Variants in PBX3 observed in about 807,000 individuals in gnomAD.
PBX3 encodes the protein PBX homeobox 3, also known as pre-B-cell leukemia transcription factor 3.
In PBX3, 14 loss-of-function variants were observed where a neutral mutation model predicts 48.5. The ratio of observed to expected loss-of-function variants is 0.29; its 90% confidence interval spans 0.19 to 0.45. The LOEUF (loss-of-function observed/expected upper bound fraction) is 0.45, where lower values mean the gene tolerates loss of function less well. Ranked by LOEUF, PBX3 falls within the 20% of genes least tolerant of loss-of-function variation. PBX3 has a pLI of 1.00. For missense variants in PBX3, 386 were observed against 546.7 expected (o/e 0.71, Z 2.93); for synonymous variants, 210 against 200.3 (o/e 1.05, Z -0.41).
chr9:125,811,221 G>T (rs933937301), intron 2 of PBX3, among the ~76,000 whole-genome samples: 2 of 152,338 alleles, frequency 1.3e-5, no homozygotes, highest in African/African-American at 4.8e-5. Flanking sequence ...GAAAATCAGT[G>T]TCGTAGCTTG....
intron 3 of PBX3, among the ~76,000 whole-genome samples, chr9:125,929,063 A>G (rs973859434): frequency 6.6e-6 from 1 of 152,220 alleles, no homozygotes; most frequent in South Asian, 2.1e-4. Context: ...ATCTTTATCC[A>G]CCTTTCAAAG....
chr9:125,899,285 A>T (rs1588274737), intron 2 of PBX3, among the ~76,000 whole-genome samples: 1 of 122,758 alleles, frequency 8.1e-6, no homozygotes, highest in African/African-American at 3.2e-5. Flanking sequence ...ATATGTATAT[A>T]TATTTATATA....
chr9:125,758,308 G>C (rs1253616187), intron 2 of PBX3, among the ~76,000 whole-genome samples: 1 of 146,870 alleles, frequency 6.8e-6, no homozygotes, highest in Non-Finnish European at 1.5e-5. Context: ...TTTTTTTTTT[G>C]ACTGATTATC....
chr9:125,781,579 G>C lies in PBX3; in HGVS notation c.274+32956G>C, dbSNP rs140700528. On this transcript the variant is annotated intron_variant, in intron 2 of 8. Transcript: ENST00000373489. ...GAGGGGAGAGGCGAGAGGGGAGAGG[G>C]GAGAGGCGAGAGGCGAGAGGGAGAG... is the stretch of plus-strand genomic sequence containing the variant. Among the ~76,000 whole-genome samples, 613 of 148,396 alleles carry C rather than the reference G, an allele frequency of 4.1e-3. 2 individuals carry two copies. Among genetic ancestry groups the C allele is most frequent in the African/African-American group, 0.013 (543 of 40,370 alleles).
At chr9:125,899,233 A>ATATAAATATACATATGTATATATATT (rs1840852704) in intron 2 of PBX3, among the ~76,000 whole-genome samples, 1 of 86,502 alleles carries the variant, frequency 1.2e-5, no homozygotes, top group Non-Finnish European at 2.5e-5. Flanking sequence ...ATATATTTAT[A>ATATAAATATACATATGTATATATATT]TATAAATATA....
At chr9:125,765,708 T>G (rs560994844) in intron 2 of PBX3, among the ~76,000 whole-genome samples, 2 of 152,344 alleles carry the variant, frequency 1.3e-5, no homozygotes, top group African/African-American at 4.8e-5. Flanking sequence ...TTGGGTCTTG[T>G]ACTACCATTC....
chr9:125,898,615 G>A (rs1299311010), intron 2 of PBX3, among the ~76,000 whole-genome samples: 1 of 151,684 alleles, frequency 6.6e-6, no homozygotes, highest in East Asian at 1.9e-4. Flanking sequence ...TTTGATAGAT[G>A]AGGGAAATTA....
chr9:125,783,888 C>T (rs758181227), intron 2 of PBX3, among the ~76,000 whole-genome samples: 7 of 152,032 alleles, frequency 4.6e-5, no homozygotes, highest in Non-Finnish European at 1.0e-4. Flanking sequence ...ATAATCCCAG[C>T]TACTCTGGAC....
chr9:125,888,530 T>G (rs914912614), intron 2 of PBX3, among the ~76,000 whole-genome samples: 1 of 150,538 alleles, frequency 6.6e-6, no homozygotes, highest in Non-Finnish European at 1.5e-5. Context: ...TGATGGCATT[T>G]TTTTGGGAGG....
At chr9:125,945,609 T>C (rs1237972002) in intron 5 of PBX3, among the ~76,000 whole-genome samples, 1 of 152,222 alleles carries the variant, frequency 6.6e-6, no homozygotes, top group African/African-American at 2.4e-5. Context: ...ACTGCTATCT[T>C]ATTCACCCTT....
At chr9:125,893,842 G>A (rs777058637) in intron 2 of PBX3, among the ~76,000 whole-genome samples, 1 of 152,000 alleles carries the variant, frequency 6.6e-6, no homozygotes, top group Non-Finnish European at 1.5e-5. Flanking sequence ...CACTTCCCTA[G>A]CATTATGGCT....
At chr9:125,889,305 C>G (rs1840578688) in intron 2 of PBX3, among the ~76,000 whole-genome samples, 3 of 152,216 alleles carry the variant, frequency 2.0e-5, no homozygotes, top group Admixed American at 1.3e-4. Flanking sequence ...ACGTGGGGAG[C>G]AGGGGCGCTT....
At chr9:125,856,992 A>G (rs1391265790) in intron 2 of PBX3, among the ~76,000 whole-genome samples, 4 of 152,190 alleles carry the variant, frequency 2.6e-5, no homozygotes, top group Non-Finnish European at 5.9e-5. Flanking sequence ...ATTTCTTGAA[A>G]GTTCATTTAG....
chr9:125,809,370 A>G (rs894263034), intron 2 of PBX3, among the ~76,000 whole-genome samples: 5 of 151,384 alleles, frequency 3.3e-5, no homozygotes, highest in Admixed American at 6.6e-5. Context: ...TTTTGGGGAG[A>G]TGTGATAAGA....
At chr9:125,780,770 G>A (rs1292861619) in intron 2 of PBX3, among the ~76,000 whole-genome samples, 1 of 141,576 alleles carries the variant, frequency 7.1e-6, no homozygotes, top group Non-Finnish European at 1.6e-5. Context: ...GGCCGGGCGG[G>A]GGGCTGACCC....
At chr9:125,790,862 T>C (rs758151658) in intron 2 of PBX3, among the ~76,000 whole-genome samples, 39 of 152,248 alleles carry the variant, frequency 2.6e-4, no homozygotes, top group Non-Finnish European at 5.0e-4. Flanking sequence ...CTGAATTCAA[T>C]TGTAGTCTTT....
chr9:125,780,534 C>T (rs536962893), intron 2 of PBX3, among the ~76,000 whole-genome samples: 6 of 141,980 alleles, frequency 4.2e-5, no homozygotes, highest in African/African-American at 1.6e-4. Flanking sequence ...CCACCTCCCT[C>T]CTGGACGGGG....
rs1564681272 is a variant in PBX3 at position 125,835,051 on chromosome 9, A to AAAAAAAAAAAAAAG, written c.275-80635_275-80634insAAAAAAAAAAAAAG. 3.7e-5 allele frequency among the ~76,000 whole-genome samples: 4 copies of AAAAAAAAAAAAAAG among 108,002 alleles called. 2 individuals are homozygous for AAAAAAAAAAAAAAG. The highest frequency in any genetic ancestry group is 1.5e-4 in the African/African-American group (4 of 26,310). The allele number at this position is 108,002 out of a possible 152,430, so 70.9% of individuals were successfully genotyped here. On this transcript the variant is annotated intron_variant, in intron 2 of 8. Transcript: ENST00000373489. The stretch of plus-strand genomic sequence containing the variant: ...AAAAAAAAAAAAAAAAAAAAAAAAA[A>AAAAAAAAAAAAAAG]GGGCAAAAGATATGAAAAGACAAGT...
chr9:125,812,230 C>T (rs141790095), intron 2 of PBX3, among the ~76,000 whole-genome samples: 2 of 152,254 alleles, frequency 1.3e-5, no homozygotes, highest in African/African-American at 4.8e-5. Flanking sequence ...AAAGGCCCTG[C>T]CTCTAAATAT....
Sources: gnomAD v4.1 joint callset for allele counts (sites outside exome capture counted in the v4.1 genomes callset) on GRCh38, gnomAD v4.1.1 for gene constraint, MANE v1.5 for transcripts, NCBI Gene and HGNC (gene_info 2026-07-23, HGNC 2026-07-21) for gene names.